Variants in SPRY3 observed in about 807,000 individuals in gnomAD.
SPRY3 encodes the protein sprouty RTK signaling antagonist 3.
SPRY3 carries 15 observed loss-of-function variants against 20.2 expected under a neutral mutation model. The observed-to-expected ratio is 0.74, with a 90% CI of 0.50 to 1.14. The LOEUF (loss-of-function observed/expected upper bound fraction) is 1.14, where lower values mean the gene tolerates loss of function less well. SPRY3 is among the 50% of genes most tolerant of loss of function. The probability of loss-of-function intolerance (pLI) is 0.00; values close to 1 mark genes in which losing one functional copy is unlikely to be tolerated. For missense variants in SPRY3, 364 were observed against 363.9 expected (o/e 1.00, Z 0.00); for synonymous variants, 143 against 136.5 (o/e 1.05, Z -0.33).
chrX:155,730,311 C>A (rs1262570573), intron 2 of SPRY3, among the ~76,000 whole-genome samples: 1 of 151,968 alleles, frequency 6.6e-6, no homozygotes, highest in East Asian at 1.9e-4. Context: ...AACCGAGTTG[C>A]ACAACACATT....
At chrX:155,707,941 A>C (rs1327239246) in intron 2 of SPRY3, among the ~76,000 whole-genome samples, 1 of 151,048 alleles carries the variant, frequency 6.6e-6, no homozygotes, top group South Asian at 2.1e-4. Context: ...TTAGATTTAC[A>C]TGTGATCTTT....
intron 2 of SPRY3, among the ~76,000 whole-genome samples, chrX:155,749,758 A>G (rs2124581176): frequency 6.6e-6 from 1 of 152,032 alleles, no homozygotes; most frequent in African/African-American, 2.4e-5. Context: ...ACTGTTTATT[A>G]TAATGGAGAA....
At chrX:155,617,574 G>T (rs897313901) in intron 1 of SPRY3, among the ~76,000 whole-genome samples, 2 of 111,456 alleles carry the variant, frequency 1.8e-5, no homozygotes, top group Non-Finnish European at 3.8e-5. Context: ...AACGAAGGAG[G>T]AAAAGATCAG....
intron 2 of SPRY3, among the ~76,000 whole-genome samples, chrX:155,730,493 A>T (rs1289630731): frequency 1.3e-5 from 2 of 152,198 alleles, no homozygotes; most frequent in Non-Finnish European, 2.9e-5. Context: ...ACATCGCTTC[A>T]TTATAAAATC....
rs1486741597 is a variant in SPRY3, at chrX:155,619,082, C to T, written c.-441+6435C>T. 7.1e-5 allele frequency among the ~76,000 whole-genome samples: 5 copies of T among 70,379 alleles called. No homozygotes were observed. The East Asian group carries it at 1.9e-3, about 27-fold the overall frequency. 61.1% of individuals were successfully genotyped at this position (70,379 alleles called of 115,157 possible). On this transcript the variant is annotated intron_variant, in intron 1 of 3. Transcript: ENST00000675360. ...ATCTACCAAGTTTTTTTATGGATTG[C>T]GCTTTAGATGTCAAGTCTTTACTGA...
At chrX:155,657,565 C>T (rs1336492597) in intron 2 of SPRY3, among the ~76,000 whole-genome samples, 2 of 112,097 alleles carry the variant, frequency 1.8e-5, no homozygotes, top group African/African-American at 3.2e-5. Context: ...AAGTGGGACC[C>T]GCTGAGTGAG....
intron 2 of SPRY3, among the ~76,000 whole-genome samples, chrX:155,751,924 GAAATA>G (rs530878002): frequency 0.053 from 6,394 of 121,492 alleles, 186 homozygotes; most frequent in Admixed American, 0.094. Context: ...CAAGGGAAGG[GAAATA>G]AAATAAAATA....
intron 2 of SPRY3, among the ~76,000 whole-genome samples, chrX:155,723,211 T>C (rs763029037): frequency 6.6e-6 from 1 of 152,292 alleles, no homozygotes; most frequent in East Asian, 1.9e-4. Flanking sequence ...GTTCCAAGTC[T>C]TTGCTATTGT....
intron 2 of SPRY3, among the ~76,000 whole-genome samples, chrX:155,742,843 G>A (rs2091209680): frequency 6.6e-6 from 1 of 152,128 alleles, no homozygotes; most frequent in African/African-American, 2.4e-5. Flanking sequence ...GCAGTGTTAA[G>A]AGGGATATTC....
chrX:155,732,783 T>C (rs921484709), intron 2 of SPRY3, among the ~76,000 whole-genome samples: 1 of 152,060 alleles, frequency 6.6e-6, no homozygotes, highest in Non-Finnish European at 1.5e-5. Context: ...GAAGAAAATG[T>C]GGCACATATA....
At chrX:155,705,592 A>G (rs1204953697) in intron 2 of SPRY3, among the ~76,000 whole-genome samples, 1 of 151,296 alleles carries the variant, frequency 6.6e-6, no homozygotes, top group East Asian at 1.9e-4. Flanking sequence ...AATAATCAAG[A>G]CCCAACTATA....
chrX:155,735,444 G>T (rs1310375954), intron 2 of SPRY3, among the ~76,000 whole-genome samples: 1 of 151,906 alleles, frequency 6.6e-6, no homozygotes, highest in Admixed American at 6.6e-5. Context: ...TATAAAAGTG[G>T]ATTATTTCTT....
chrX:155,616,130 C>CCTCT (rs1557348859), intron 1 of SPRY3, among the ~76,000 whole-genome samples: 1 of 57,190 alleles, frequency 1.7e-5, no homozygotes, highest in Non-Finnish European at 3.5e-5. Context: ...CTCTCTCTCT[C>CCTCT]CTCTCTCTCT....
chrX:155,713,426 G>A (rs1370585825), intron 2 of SPRY3, among the ~76,000 whole-genome samples: 1 of 151,944 alleles, frequency 6.6e-6, no homozygotes, highest in Non-Finnish European at 1.5e-5. Context: ...GCTTTTGTTT[G>A]TCTGGGAATG....
chrX:155,760,488 C>T (rs1213882381), intron 2 of SPRY3, among the ~76,000 whole-genome samples: 1 of 152,164 alleles, frequency 6.6e-6, no homozygotes, highest in Non-Finnish European at 1.5e-5. Flanking sequence ...GATCCTTTTT[C>T]AGCAGAGATA....
chrX:155,684,077 G>A (rs1388346541), intron 2 of SPRY3, among the ~76,000 whole-genome samples: 2 of 110,552 alleles, frequency 1.8e-5, no homozygotes, highest in African/African-American at 6.6e-5. Flanking sequence ...AGCTGATTTG[G>A]TGGGGTCATG....
chrX:155,687,065 A>G (rs950124513), intron 2 of SPRY3, among the ~76,000 whole-genome samples: 1 of 112,529 alleles, frequency 8.9e-6, no homozygotes, highest in Admixed American at 9.4e-5. Context: ...TATATCTGCT[A>G]TTTACTTTTT....
chrX:155,618,687 G>C (rs183112055), intron 1 of SPRY3, among the ~76,000 whole-genome samples: 147 of 111,531 alleles, frequency 1.3e-3, no homozygotes, highest in African/African-American at 4.7e-3. Flanking sequence ...AACCTTTCCA[G>C]CATTTTGTAC....
exon 4 of SPRY3, chrX:155,774,037 G>C: frequency 1.9e-6 from 3 of 1,613,900 alleles, no homozygotes; most frequent in Non-Finnish European, 1.7e-6. Context: ...TTGGTCTCTG[G>C]CTACCATGCC....
Sources: allele counts gnomAD v4.1 joint callset (sites outside exome capture counted in the v4.1 genomes callset), GRCh38; gene constraint gnomAD v4.1.1; transcripts MANE v1.5; gene names NCBI Gene and HGNC (gene_info 2026-07-23, HGNC 2026-07-21).